The following ATP2C1 variants were observed in gnomAD, a reference collection of about 807,000 sequenced individuals.
The protein encoded by ATP2C1 is calcium-transporting ATPase type 2C member 1.
A neutral mutation model predicts 120.5 loss-of-function variants in ATP2C1; 31 were observed. That is an observed-to-expected ratio of 0.26 (90% confidence interval 0.19 to 0.35). The LOEUF (loss-of-function observed/expected upper bound fraction) is 0.35. Among genes scored for constraint, ATP2C1 ranks in the 10% least tolerant of loss-of-function variants. ATP2C1 has a pLI of 1.00. For missense variants in ATP2C1, 731 were observed against 1,107.5 expected (o/e 0.66, Z 4.83); for synonymous variants, 351 against 358.7 (o/e 0.98, Z 0.24).
At chr3:130,925,111 A>G (rs852225) in intron 2 of ATP2C1, among the ~76,000 whole-genome samples, 132,620 of 152,132 alleles carry the variant, frequency 0.87, 58,140 homozygotes, top group Middle Eastern at 0.94. Context: ...TCCATTGCTG[A>G]TGAGCTGGTA....
At chr3:130,933,389 A>G (rs2059534034) in intron 4 of ATP2C1, among the ~76,000 whole-genome samples, 1 of 152,198 alleles carries the variant, frequency 6.6e-6, no homozygotes, top group Non-Finnish European at 1.5e-5. Context: ...TTAATAGCTA[A>G]CATTTTTAAG....
chr3:130,990,189 G>A (rs575830504), intron 20 of ATP2C1, among the ~76,000 whole-genome samples: 10 of 151,724 alleles, frequency 6.6e-5, no homozygotes, highest in South Asian at 2.1e-4. Context: ...TTTATAGAGC[G>A]CTGTTGGTAT....
intron 17 of ATP2C1, among the ~76,000 whole-genome samples, chr3:130,973,521 G>C (rs1027600259): frequency 6.6e-6 from 1 of 152,076 alleles, no homozygotes; most frequent in Non-Finnish European, 1.5e-5. Flanking sequence ...CGGTAACATA[G>C]ATGGCTACTA....
At chr3:130,985,116 A>T (rs1241450499) in intron 20 of ATP2C1, among the ~76,000 whole-genome samples, 6 of 152,216 alleles carry the variant, frequency 3.9e-5, no homozygotes, top group South Asian at 4.1e-4. Context: ...AAGTTTCAAC[A>T]TTTTTACATA....
chr3:130,938,061 A>G (rs2059744587), intron 6 of ATP2C1, among the ~76,000 whole-genome samples: 1 of 152,188 alleles, frequency 6.6e-6, no homozygotes, highest in Non-Finnish European at 1.5e-5. Flanking sequence ...CCCTCCCTTT[A>G]AAACAATTTC....
chr3:130,918,975 G>C (rs919421344), intron 2 of ATP2C1: 3 of 399,682 alleles, frequency 7.5e-6, no homozygotes, highest in African/African-American at 6.4e-5. Context: ...CTGGGCAACA[G>C]AGCAAGACTC....
chr3:130,931,392 G>T (rs2059442478), intron 3 of ATP2C1, among the ~76,000 whole-genome samples: 1 of 151,980 alleles, frequency 6.6e-6, no homozygotes, highest in Admixed American at 6.6e-5. Flanking sequence ...CACTGCTTTT[G>T]AGTAATTTAG....
chr3:130,992,298 T>C (rs1407975742), intron 20 of ATP2C1, among the ~76,000 whole-genome samples: 3 of 152,212 alleles, frequency 2.0e-5, no homozygotes, highest in African/African-American at 7.2e-5. Flanking sequence ...GGGATGGTAG[T>C]GTTTTGTGGA....
At chr3:130,987,394 C>A (rs1375701305) in intron 20 of ATP2C1, among the ~76,000 whole-genome samples, 1 of 152,144 alleles carries the variant, frequency 6.6e-6, no homozygotes, top group African/African-American at 2.4e-5. Flanking sequence ...CCACTGCAAC[C>A]TCAAACTCCT....
At chr3:130,967,832 C>G (rs1167541708) in intron 16 of ATP2C1, among the ~76,000 whole-genome samples, 2 of 152,074 alleles carry the variant, frequency 1.3e-5, no homozygotes, top group African/African-American at 4.8e-5. Flanking sequence ...TTTGTTTTCC[C>G]AGTCTTTCCT....
chr3:130,930,318 A>G, intron 2 of ATP2C1, 98 bp from the exon 3 acceptor site: 1 of 803,950 alleles, frequency 1.2e-6, no homozygotes, highest in East Asian at 2.7e-5. Flanking sequence ...TTCTAACTGG[A>G]AAATTAGTTG....
chr3:130,962,335 A>G (rs750719781), intron 12 of ATP2C1, among the ~76,000 whole-genome samples: 12 of 152,054 alleles, frequency 7.9e-5, no homozygotes, highest in Non-Finnish European at 1.6e-4. Flanking sequence ...ATTGGGAGCC[A>G]TCAGTGGTTT....
rs1577092865 is a variant in ATP2C1 at position 131,015,153 on chromosome 3, A to G, written c.2630-999A>G. On this transcript the variant is annotated intron_variant, in intron 26 of 26. Transcript: ENST00000328560. ...TATAAGGCCCAGAGATATATTAACA[A>G]CACTGTTTACTGCCAGGAGGCTTTT... 6 of 697,310 alleles carry G rather than the reference A, an allele frequency of 8.6e-6. No individual in the cohort carries two copies. The East Asian group carries it at 1.6e-4, about 19-fold the overall frequency. 43.2% of individuals were successfully genotyped at this position (697,310 alleles called of 1,614,324 possible). A position where few individuals can be genotyped will look rare whatever the true frequency, so the allele number is the denominator to read the frequency against.
chr3:130,873,211 T>C (rs2107782617), intron 1 of ATP2C1, among the ~76,000 whole-genome samples: 1 of 152,260 alleles, frequency 6.6e-6, no homozygotes, highest in South Asian at 2.1e-4. Flanking sequence ...ACAGAGCAGC[T>C]TCTTATATAT....
intron 27 of ATP2C1, 63 bp from the exon 28 acceptor site, chr3:131,001,157 C>A: frequency 1.2e-5 from 13 of 1,068,910 alleles, no homozygotes; most frequent in East Asian, 2.8e-5. Context: ...AAAATGTAAG[C>A]TATTAAGCTT....
At chr3:130,904,000 A>G (rs553802161) in intron 2 of ATP2C1, among the ~76,000 whole-genome samples, 47 of 152,182 alleles carry the variant, frequency 3.1e-4, no homozygotes, top group Non-Finnish European at 1.9e-4. Context: ...GAGTGGCAGT[A>G]TAATTCAGAT....
intron 20 of ATP2C1, 34 bp from the exon 21 acceptor site, chr3:130,992,917 T>C: frequency 3.2e-6 from 5 of 1,540,298 alleles, no homozygotes; most frequent in Non-Finnish European, 4.5e-6. Flanking sequence ...AATCTTAATA[T>C]TGAAGATTTT....
In ATP2C1 at chr3:131,001,576, T is replaced by G; in HGVS notation, c.*226T>G. 1 of 1,231,840 alleles carries G rather than the reference T, an allele frequency of 8.1e-7. No individual in the cohort carries two copies. The highest frequency in any genetic ancestry group is 4.1e-5 in the East Asian group (1 of 24,230). 76.3% of individuals were successfully genotyped at this position (1,231,840 alleles called of 1,614,324 possible). A position where few individuals can be genotyped will look rare whatever the true frequency, so the allele number is the denominator to read the frequency against. ...ATTTAAATTGGCTTTTGTGATTGAG[T>G]GAAACTTTATAAAGCATATGGTCAG... On this transcript the variant is annotated 3_prime_UTR_variant, in exon 28 of 28. Transcript: ENST00000510168.
At chr3:130,979,454 T>G (rs748464597) in intron 19 of ATP2C1, 35 bp downstream of exon 19, 3 of 1,606,268 alleles carry the variant, frequency 1.9e-6, no homozygotes, top group South Asian at 2.2e-5. Flanking sequence ...TTTTCGATAG[T>G]TTTTCTTAAA....
Sources: allele counts gnomAD v4.1 joint callset (sites outside exome capture counted in the v4.1 genomes callset), GRCh38; gene constraint gnomAD v4.1.1; transcripts MANE v1.5; gene names NCBI Gene and HGNC (gene_info 2026-07-23, HGNC 2026-07-21).